Variants in TTC27 observed in about 807,000 individuals in gnomAD.
TTC27 encodes tetratricopeptide repeat domain 27, also known as tetratricopeptide repeat protein 27.
TTC27 carries 79 observed loss-of-function variants against 115.9 expected under a neutral mutation model. The observed-to-expected ratio is 0.68, with a 90% CI of 0.57 to 0.82. TTC27 has a LOEUF of 0.82. Ranked by LOEUF, TTC27 falls within the 40% of genes least tolerant of loss-of-function variation. The pLI is 0.00. For missense variants in TTC27, 1,054 were observed against 993.1 expected, an observed-to-expected ratio of 1.06 and a Z score of -0.82; for synonymous variants, 401 against 356.0, an observed-to-expected ratio of 1.13 and a Z score of -1.42.
Position 32,630,718 on chromosome 2 carries a change from A to G in TTC27, c.266+18A>G. On this transcript the variant is annotated intron_variant, in intron 2 of 19. Coordinates refer to ENST00000317907, the MANE Select transcript of TTC27 (RefSeq NM_017735.5). ...ACGGAAAGGTAGAATTTTATTTGAAATTTTCATAGAGGAACAGAGCAAATA... is the reference window on the plus strand; with the variant it reads ...ACGGAAAGGTAGAATTTTATTTGAAGTTTTCATAGAGGAACAGAGCAAATA... 3 of 1,592,842 alleles carry G rather than the reference A, an allele frequency of 1.9e-6. No homozygotes were observed. Among genetic ancestry groups the G allele is most frequent in the Non-Finnish European group, 2.6e-6 (3 of 1,171,198 alleles).
At chr2:32,633,564 C>T (rs187175803) in intron 2 of TTC27, among the ~76,000 whole-genome samples, 5 of 151,970 alleles carry the variant, frequency 3.3e-5, no homozygotes, top group East Asian at 1.9e-4. Context: ...ACCACCATGC[C>T]GGCTAACTTT....
intron 10 of TTC27, among the ~76,000 whole-genome samples, chr2:32,710,001 T>C (rs74566946): frequency 0.16 from 23,659 of 152,186 alleles, 1,984 homozygotes; most frequent in Middle Eastern, 0.24. Context: ...TTGTTAAAGC[T>C]TCAGCCTTCT....
chr2:32,786,456 C>T (rs547479370), intron 15 of TTC27, among the ~76,000 whole-genome samples: 2 of 152,202 alleles, frequency 1.3e-5, no homozygotes, highest in East Asian at 3.9e-4. Flanking sequence ...AAAATTTTGT[C>T]GTTAGTAAAT....
intron 9 of TTC27, among the ~76,000 whole-genome samples, chr2:32,689,646 T>A (rs1032275612): frequency 6.6e-6 from 1 of 152,112 alleles, no homozygotes; most frequent in African/African-American, 2.4e-5. Context: ...AGAGCTCAAG[T>A]TGGGGGTACT....
intron 6 of TTC27, 80 bp from the exon 7 acceptor site, chr2:32,666,555 A>G (rs1179173573): frequency 7.0e-7 from 1 of 1,436,136 alleles, no homozygotes; most frequent in East Asian, 2.4e-5. Flanking sequence ...ACTCTAAAGC[A>G]CTCTGAAAAT....
rs192359508 is a variant in TTC27, at chr2:32,741,456, A to T, written c.1452+4640A>T. ...CAAGAGATGGAGGCCATCCTGGCTA[A>T]TATGGTGAAACCCCATCTCTACTAA... On this transcript the variant is annotated intron_variant, in intron 12 of 19. Transcript: ENST00000317907. Among the ~76,000 whole-genome samples, 507 of 151,928 alleles carry T rather than the reference A, an allele frequency of 3.3e-3. 1 individual carries two copies. Among genetic ancestry groups the T allele is most frequent in the Non-Finnish European group, 5.3e-3 (361 of 67,944 alleles).
At chr2:32,755,121 G>A (rs1203239876) in intron 12 of TTC27, among the ~76,000 whole-genome samples, 6 of 151,618 alleles carry the variant, frequency 4.0e-5, no homozygotes, top group African/African-American at 1.2e-4. Context: ...GGGCAGAGAT[G>A]CTCCTCACTT....
At chr2:32,665,512 A>G (rs1419381379) in intron 6 of TTC27, among the ~76,000 whole-genome samples, 1 of 152,212 alleles carries the variant, frequency 6.6e-6, no homozygotes, top group Non-Finnish European at 1.5e-5. Context: ...TCTAAGTTAG[A>G]GTTGAAGAAC....
chr2:32,657,626 G>A (rs914618644), intron 5 of TTC27, among the ~76,000 whole-genome samples: 3 of 152,064 alleles, frequency 2.0e-5, no homozygotes, highest in African/African-American at 7.2e-5. Flanking sequence ...TTTCTTAGCT[G>A]TAGGTGTTTC....
intron 13 of TTC27, among the ~76,000 whole-genome samples, chr2:32,763,540 A>G (rs545987238): frequency 1.2e-4 from 19 of 152,334 alleles, no homozygotes; most frequent in Admixed American, 6.5e-4. Flanking sequence ...GAAAAAGGCT[A>G]TTGTCCATCT....
intron 10 of TTC27, among the ~76,000 whole-genome samples, chr2:32,720,504 A>G (rs964628642): frequency 1.3e-5 from 2 of 152,166 alleles, no homozygotes; most frequent in African/African-American, 4.8e-5. Context: ...TAGTGTAGTA[A>G]CAAGCCCCAA....
At chr2:32,677,606 C>A (rs1041650798) in intron 8 of TTC27, among the ~76,000 whole-genome samples, 3 of 151,864 alleles carry the variant, frequency 2.0e-5, no homozygotes, top group Non-Finnish European at 4.4e-5. Flanking sequence ...TGCGCCACCA[C>A]CCCCAGTTAA....
chr2:32,643,144 T>C (rs1245858925), intron 4 of TTC27, among the ~76,000 whole-genome samples: 1 of 151,048 alleles, frequency 6.6e-6, no homozygotes, highest in Admixed American at 6.6e-5. Context: ...TAATTGAAGG[T>C]TTTTTAATAC....
chr2:32,642,065 C>G (rs904359081), intron 4 of TTC27, among the ~76,000 whole-genome samples: 2 of 151,922 alleles, frequency 1.3e-5, no homozygotes, highest in African/African-American at 4.8e-5. Context: ...CCACATTGGT[C>G]AGGCTGGTCT....
At chr2:32,789,083 T>C (rs1327791446) in intron 16 of TTC27, among the ~76,000 whole-genome samples, 1 of 152,208 alleles carries the variant, frequency 6.6e-6, no homozygotes, top group African/African-American at 2.4e-5. Context: ...TCCACCTGCT[T>C]GTTTTAAGGA....
intron 13 of TTC27, among the ~76,000 whole-genome samples, chr2:32,777,645 C>T (rs1441786959): frequency 3.9e-5 from 6 of 152,008 alleles, no homozygotes; most frequent in Admixed American, 6.5e-5. Context: ...GGACTTTTTC[C>T]GTGAAACATA....
At chr2:32,678,599 T>C (rs910023330) in intron 8 of TTC27, among the ~76,000 whole-genome samples, 12 of 152,084 alleles carry the variant, frequency 7.9e-5, no homozygotes, top group African/African-American at 2.9e-4. Flanking sequence ...GGCTAATTTT[T>C]TGTATTTTTA....
intron 9 of TTC27, among the ~76,000 whole-genome samples, chr2:32,679,747 C>G (rs1666350642): frequency 6.6e-6 from 1 of 152,184 alleles, no homozygotes; most frequent in African/African-American, 2.4e-5. Flanking sequence ...AATCCCAGCA[C>G]TTTGAGAGGC....
intron 9 of TTC27, among the ~76,000 whole-genome samples, chr2:32,698,705 C>T (rs1667080920): frequency 6.6e-6 from 1 of 152,118 alleles, no homozygotes; most frequent in Admixed American, 6.5e-5. Flanking sequence ...TGGTCTCGAT[C>T]TCCTGACCTC....
Sources: gnomAD v4.1 joint callset for allele counts (sites outside exome capture counted in the v4.1 genomes callset) on GRCh38, gnomAD v4.1.1 for gene constraint, MANE v1.5 for transcripts, NCBI Gene and HGNC (gene_info 2026-07-23, HGNC 2026-07-21) for gene names.